The following PDE4B variants were observed in gnomAD, a reference collection of about 807,000 sequenced individuals.
PDE4B encodes the protein phosphodiesterase 4B.
PDE4B carries 20 observed loss-of-function variants against 82.2 expected under a neutral mutation model. The observed-to-expected ratio is 0.24, with a 90% CI of 0.17 to 0.35. The LOEUF (loss-of-function observed/expected upper bound fraction) is 0.35. Among genes scored for constraint, PDE4B ranks in the 10% least tolerant of loss-of-function variants. The pLI, the probability that PDE4B is intolerant of heterozygous loss-of-function variation, is 1.00. For synonymous variants in PDE4B, 320 were observed against 318.9 expected, an observed-to-expected ratio of 1.00 and a Z score of -0.04; for missense variants, 655 against 907.2, an observed-to-expected ratio of 0.72 and a Z score of 3.57.
chr1:66,353,955 T>C (rs1314907086), intron 8 of PDE4B, among the ~76,000 whole-genome samples: 1 of 152,142 alleles, frequency 6.6e-6, no homozygotes, highest in East Asian at 1.9e-4. Context: ...CAATCTAATA[T>C]GCATATTAAT....
chr1:66,320,774 C>G (rs756290406), intron 7 of PDE4B, among the ~76,000 whole-genome samples: 1 of 152,096 alleles, frequency 6.6e-6, no homozygotes, highest in Non-Finnish European at 1.5e-5. Flanking sequence ...GAAATATGGT[C>G]ATTTGGAAAT....
At chr1:65,907,818 T>G (rs1244399848) in intron 1 of PDE4B, among the ~76,000 whole-genome samples, 1 of 152,190 alleles carries the variant, frequency 6.6e-6, no homozygotes, top group East Asian at 1.9e-4. Context: ...ATGGACATTT[T>G]CTCATCTAAA....
chr1:66,221,402 G>A (rs772070465), intron 3 of PDE4B, among the ~76,000 whole-genome samples: 24 of 152,256 alleles, frequency 1.6e-4, no homozygotes, highest in Non-Finnish European at 3.2e-4. Context: ...CAAGGGCATA[G>A]AGAGATATTG....
chr1:66,197,369 T>C (rs1437721559), intron 3 of PDE4B, among the ~76,000 whole-genome samples: 1 of 152,120 alleles, frequency 6.6e-6, no homozygotes, highest in Non-Finnish European at 1.5e-5. Context: ...ATCAACTCAC[T>C]CCACTAAACT....
chr1:66,074,030 T>A (rs1340967220), intron 3 of PDE4B, among the ~76,000 whole-genome samples: 2 of 152,158 alleles, frequency 1.3e-5, no homozygotes, highest in African/African-American at 2.4e-5. Flanking sequence ...CAGCCATTGC[T>A]TATATGTTTT....
At chr1:65,819,837 A>G (rs941594962) in intron 1 of PDE4B, among the ~76,000 whole-genome samples, 3 of 152,162 alleles carry the variant, frequency 2.0e-5, no homozygotes, top group Admixed American at 6.5e-5. Flanking sequence ...GCATGAAATT[A>G]GTTGCTGTGA....
rs1557706896 is a variant in PDE4B, at chr1:66,333,879, G to GA, written c.747+1259_747+1260insA. On this transcript the variant is annotated intron_variant, in intron 8 of 16. Transcript: ENST00000341517. ...TTTAGTTTAGAGTTTAAGTTGGAAGGGAAAAAAAAAGAAAAGAACACATTT... is the reference window on the plus strand; with the variant it reads ...TTTAGTTTAGAGTTTAAGTTGGAAGGAGAAAAAAAAAGAAAAGAACACATTT... Among the ~76,000 whole-genome samples, 223 of 149,616 alleles carry GA rather than the reference G, an allele frequency of 1.5e-3. 1 individual carries two copies. Among genetic ancestry groups the GA allele is most frequent in the African/African-American group, 5.1e-3 (206 of 40,728 alleles).
chr1:66,089,591 G>C (rs181241359), intron 3 of PDE4B, among the ~76,000 whole-genome samples: 1 of 151,846 alleles, frequency 6.6e-6, no homozygotes, highest in Non-Finnish European at 1.5e-5. Flanking sequence ...AGGATACAGA[G>C]GTTTTTTTTT....
At chr1:66,041,529 A>G (rs998815672) in intron 3 of PDE4B, among the ~76,000 whole-genome samples, 2 of 151,912 alleles carry the variant, frequency 1.3e-5, no homozygotes, top group Admixed American at 6.6e-5. Context: ...GTCATTGCTT[A>G]TACTTTACCC....
At chr1:66,218,640 T>C (rs887875921) in intron 3 of PDE4B, among the ~76,000 whole-genome samples, 10 of 152,098 alleles carry the variant, frequency 6.6e-5, no homozygotes, top group African/African-American at 2.4e-4. Context: ...AATCTTTCCA[T>C]GACCCCTCTG....
chr1:65,870,731 A>G (rs926157346), intron 1 of PDE4B, among the ~76,000 whole-genome samples: 1 of 152,180 alleles, frequency 6.6e-6, no homozygotes, highest in African/African-American at 2.4e-5. Flanking sequence ...AATTATCAGC[A>G]GTACGACAAA....
At chr1:66,227,703 CCT>C (rs1013974202) in intron 3 of PDE4B, among the ~76,000 whole-genome samples, 1 of 152,166 alleles carries the variant, frequency 6.6e-6, no homozygotes, top group Non-Finnish European at 1.5e-5. Context: ...ATGGACTACC[CCT>C]GACTTACCAA....
At chr1:65,838,531 ATATG>A (rs1172722955) in intron 1 of PDE4B, among the ~76,000 whole-genome samples, 1 of 147,978 alleles carries the variant, frequency 6.8e-6, no homozygotes, top group Non-Finnish European at 1.5e-5. Context: ...ATATGTATAT[ATATG>A]TATGTGTATA....
intron 1 of PDE4B, among the ~76,000 whole-genome samples, chr1:65,840,262 A>G (rs1434362727): frequency 2.0e-5 from 3 of 152,170 alleles, no homozygotes; most frequent in African/African-American, 4.8e-5. Flanking sequence ...TCCTCAAAAG[A>G]AAGATAGATT....
intron 7 of PDE4B, among the ~76,000 whole-genome samples, chr1:66,282,932 C>A (rs951821356): frequency 3.9e-5 from 6 of 152,116 alleles, no homozygotes; most frequent in Non-Finnish European, 8.8e-5. Flanking sequence ...CTTCTTCCAC[C>A]TCTCCTACCC....
chr1:66,189,372 G>C (rs1647518768), intron 3 of PDE4B, among the ~76,000 whole-genome samples: 1 of 152,176 alleles, frequency 6.6e-6, no homozygotes, highest in Non-Finnish European at 1.5e-5. Context: ...GAAGTTGAAT[G>C]TTGGCCTACC....
At chr1:65,886,003 AG>A (rs1170492733) in intron 1 of PDE4B, among the ~76,000 whole-genome samples, 6 of 151,412 alleles carry the variant, frequency 4.0e-5, no homozygotes, top group African/African-American at 1.5e-4. Flanking sequence ...GTTTGAATTG[AG>A]GTATGTGCTC....
chr1:66,230,593 A>G (rs960037756), intron 3 of PDE4B, among the ~76,000 whole-genome samples: 1 of 152,258 alleles, frequency 6.6e-6, no homozygotes, highest in African/African-American at 2.4e-5. Context: ...TTTCCAAGAT[A>G]GCAATGAGAT....
chr1:65,956,757 T>C (rs1444817307), intron 3 of PDE4B, among the ~76,000 whole-genome samples: 3 of 152,138 alleles, frequency 2.0e-5, no homozygotes, highest in African/African-American at 7.2e-5. Context: ...TGCACATATG[T>C]ACCCGGAGAA....
Sources: allele counts gnomAD v4.1 joint callset (sites outside exome capture counted in the v4.1 genomes callset), GRCh38; gene constraint gnomAD v4.1.1; transcripts MANE v1.5; gene names NCBI Gene and HGNC (gene_info 2026-07-23, HGNC 2026-07-21).